FANCC: variants seen among roughly 807,000 people sequenced by gnomAD.
FANCC encodes Fanconi anemia group C protein.
A neutral mutation model predicts 71.3 loss-of-function variants in FANCC; 55 were observed. The ratio of observed to expected loss-of-function variants is 0.77; its 90% CI spans 0.62 to 0.97. The LOEUF is 0.97. Ranked by LOEUF, FANCC falls within the 50% of genes least tolerant of loss-of-function variation. FANCC has a pLI of 0.00. For missense variants in FANCC, 678 were observed against 670.9 expected, an observed-to-expected ratio of 1.01 and a Z score of -0.12; for synonymous variants, 275 against 244.9, an observed-to-expected ratio of 1.12 and a Z score of -1.15.
chr9:95,173,647 G>A (rs1433279830), intron 4 of FANCC, among the ~76,000 whole-genome samples: 3 of 152,140 alleles, frequency 2.0e-5, no homozygotes, highest in Admixed American at 6.5e-5. Flanking sequence ...CAGGCACGGT[G>A]GCTCACACCT....
At chr9:95,234,810 G>A (rs1830205087) in intron 4 of FANCC, among the ~76,000 whole-genome samples, 1 of 152,200 alleles carries the variant, frequency 6.6e-6, no homozygotes, top group African/African-American at 2.4e-5. Context: ...AGGCCAGCAG[G>A]CTTTAGACCC....
chr9:95,171,961 T>C, intron 5 of FANCC, 76 bp downstream of exon 5: 1 of 917,660 alleles, frequency 1.1e-6, no homozygotes, highest in Admixed American at 1.8e-5. Context: ...AGGACTGAAA[T>C]ATTTCCATTT....
chr9:95,129,351 GCTTTT>G (rs762306954), intron 8 of FANCC, among the ~76,000 whole-genome samples: 2 of 152,182 alleles, frequency 1.3e-5, no homozygotes, highest in Non-Finnish European at 2.9e-5. Context: ...ATCTTAAGCT[GCTTTT>G]CTTATCAAGA....
intron 4 of FANCC, among the ~76,000 whole-genome samples, chr9:95,206,527 C>T (rs1828130140): frequency 6.6e-6 from 1 of 152,194 alleles, no homozygotes; most frequent in Non-Finnish European, 1.5e-5. Context: ...GGCTAAAAAA[C>T]TGGACACTTT....
intron 3 of FANCC, among the ~76,000 whole-genome samples, chr9:95,246,635 C>T (rs1404804057): frequency 4.6e-5 from 7 of 152,100 alleles, no homozygotes; most frequent in African/African-American, 1.7e-4. Context: ...GCTGTCTTCC[C>T]AGGGCATCAG....
At chr9:95,296,302 A>G (rs1337626979) in intron 1 of FANCC, among the ~76,000 whole-genome samples, 1 of 152,232 alleles carries the variant, frequency 6.6e-6, no homozygotes, top group Non-Finnish European at 1.5e-5. Flanking sequence ...AAGAGGTTTC[A>G]TTGCCTGAAA....
intron 3 of FANCC, among the ~76,000 whole-genome samples, chr9:95,244,736 C>T (rs1003512707): frequency 1.5e-5 from 2 of 131,542 alleles, no homozygotes; most frequent in African/African-American, 5.7e-5. Context: ...TAAATACCTG[C>T]TGAATTAATA....
chr9:95,273,851 G>A (rs1402275521), intron 1 of FANCC, among the ~76,000 whole-genome samples: 1 of 152,166 alleles, frequency 6.6e-6, no homozygotes, highest in East Asian at 1.9e-4. Flanking sequence ...TACTGTCTGG[G>A]CAGACACTTC....
At chr9:95,268,881 A>AG (rs1260431148) in intron 1 of FANCC, among the ~76,000 whole-genome samples, 1 of 152,198 alleles carries the variant, frequency 6.6e-6, no homozygotes, top group African/African-American at 2.4e-5. Context: ...GACAGGACAC[A>AG]GGCCCTGGAA....
chr9:95,307,008 C>G lies in FANCC; in HGVS notation c.-79+10518G>C, dbSNP rs539247456. 7.2e-5 allele frequency among the ~76,000 whole-genome samples: 11 copies of G among 152,212 alleles called. No individual in the cohort carries two copies. In the South Asian group the frequency reaches 2.3e-3, roughly 32 times the overall value. ...CCCACTTCAGCCTACAGTTGCATGT[C>G]ACACTGTATGGGTCTACAGTTGCAT... On this transcript the variant is annotated intron_variant, in intron 1 of 14. Coordinates refer to ENST00000289081, the MANE Select transcript of FANCC (RefSeq NM_000136.3).
At chr9:95,276,310 A>C (rs1341904781) in intron 1 of FANCC, among the ~76,000 whole-genome samples, 1 of 152,142 alleles carries the variant, frequency 6.6e-6, no homozygotes, top group Non-Finnish European at 1.5e-5. Context: ...ACCCTGACTT[A>C]GTCTGCAGAA....
intron 4 of FANCC, among the ~76,000 whole-genome samples, chr9:95,199,882 A>C (rs4647468): frequency 1.2e-4 from 19 of 152,350 alleles, no homozygotes; most frequent in African/African-American, 4.3e-4. Flanking sequence ...TATTAGATAA[A>C]AAAAATTTCC....
At chr9:95,270,209 C>A (rs966974322) in intron 1 of FANCC, among the ~76,000 whole-genome samples, 1 of 152,144 alleles carries the variant, frequency 6.6e-6, no homozygotes, top group African/African-American at 2.4e-5. Flanking sequence ...CTCTCCCATG[C>A]CTTAGTCATG....
chr9:95,175,656 G>GAAGTGCTTACTGCCAGCTGCGC (rs1825969652), intron 4 of FANCC, among the ~76,000 whole-genome samples: 1 of 152,220 alleles, frequency 6.6e-6, no homozygotes, highest in South Asian at 2.1e-4. Flanking sequence ...GCCATCTGTG[G>GAAGTGCTTACTGCCAGCTGCGC]AAGTGCTTAC....
At chr9:95,145,240 A>G (rs1829368150) in intron 7 of FANCC, 1 of 152,240 alleles carries the variant, frequency 6.6e-6, no homozygotes, top group Non-Finnish European at 1.5e-5. Context: ...AACACAATGA[A>G]AATCTATTTG....
intron 4 of FANCC, among the ~76,000 whole-genome samples, chr9:95,213,053 T>G (rs1305454631): frequency 6.6e-6 from 1 of 152,206 alleles, no homozygotes; most frequent in Non-Finnish European, 1.5e-5. Flanking sequence ...AGATTTAGTA[T>G]GAGAAGGAGA....
At chr9:95,237,441 A>T (rs1830386945) in intron 4 of FANCC, among the ~76,000 whole-genome samples, 1 of 152,164 alleles carries the variant, frequency 6.6e-6, no homozygotes, top group African/African-American at 2.4e-5. Flanking sequence ...ACCTCTCACT[A>T]AACCTCTCCT....
At chr9:95,315,932 GCA>G (rs1835710632) in intron 1 of FANCC, among the ~76,000 whole-genome samples, 1 of 152,214 alleles carries the variant, frequency 6.6e-6, no homozygotes, top group African/African-American at 2.4e-5. Context: ...AAATGTACAT[GCA>G]CAGTTGCACA....
intron 7 of FANCC, among the ~76,000 whole-genome samples, chr9:95,149,450 T>TA (rs1217982855): frequency 1.3e-5 from 2 of 151,166 alleles, no homozygotes; most frequent in African/African-American, 4.9e-5. Flanking sequence ...AAGTTAAAAA[T>TA]AAAAAAATAA....
Sources: gnomAD v4.1 joint callset for allele counts (sites outside exome capture counted in the v4.1 genomes callset) on GRCh38, gnomAD v4.1.1 for gene constraint, MANE v1.5 for transcripts, NCBI Gene and HGNC (gene_info 2026-07-23, HGNC 2026-07-21) for gene names.